Variants in SETD2 observed in about 807,000 individuals in gnomAD.
The protein encoded by SETD2 is histone-lysine N-methyltransferase SETD2.
SETD2 carries 31 observed loss-of-function variants against 242.1 expected under a neutral mutation model. The ratio of observed to expected loss-of-function variants is 0.13; its 90% CI spans 0.10 to 0.17. The LOEUF is 0.17. Ranked by LOEUF, SETD2 falls within the 10% of genes least tolerant of loss-of-function variation. The probability of loss-of-function intolerance (pLI) is 1.00; values close to 1 mark genes in which losing one functional copy is unlikely to be tolerated. For missense variants in SETD2, 2,481 were observed against 3,046.3 expected (o/e 0.81, Z 4.37); for synonymous variants, 1,006 against 1,066.5 (o/e 0.94, Z 1.11).
intron 13 of SETD2, among the ~76,000 whole-genome samples, chr3:47,065,663 C>A (rs1458539312): frequency 6.6e-6 from 1 of 152,022 alleles, no homozygotes; most frequent in Non-Finnish European, 1.5e-5. Context: ...AATAACCAGG[C>A]ATGGTGGCAC....
chr3:47,056,522 G>A (rs1454933388), intron 15 of SETD2, among the ~76,000 whole-genome samples: 2 of 152,136 alleles, frequency 1.3e-5, no homozygotes, highest in Non-Finnish European at 2.9e-5. Flanking sequence ...TGAGTAGGTT[G>A]GAAAGTGAAT....
chr3:47,045,621 C>G (rs1231847699), intron 16 of SETD2, among the ~76,000 whole-genome samples: 1 of 149,456 alleles, frequency 6.7e-6, no homozygotes, highest in Non-Finnish European at 1.5e-5. Context: ...TCACTCGAAC[C>G]CAGGAAGTGG....
rs147652053 is a variant in SETD2 at position 47,024,521 on chromosome 3, G to A, written c.7351-4681C>T. On this transcript the variant is annotated intron_variant, in intron 18 of 20. Transcript: ENST00000409792. ...AAACAAATTAGCTGGGCCTGGTGGT[G>A]CATGCCTGTAATCCCAGCTAATTCG... Among the ~76,000 whole-genome samples the A allele has an allele frequency of 4.7e-3, 706 of 150,952 alleles. 8 individuals carry two copies. The highest frequency in any genetic ancestry group is 0.017 in the African/African-American group (684 of 40,992).
chr3:47,045,347 G>A (rs1310675269), intron 16 of SETD2, among the ~76,000 whole-genome samples: 12 of 151,904 alleles, frequency 7.9e-5, no homozygotes, highest in Admixed American at 5.9e-4. Context: ...GCGAAACCCC[G>A]TCTCTACTAA....
intron 12 of SETD2, among the ~76,000 whole-genome samples, chr3:47,072,209 G>C (rs1168029436): frequency 6.6e-6 from 1 of 152,148 alleles, no homozygotes; most frequent in Non-Finnish European, 1.5e-5. Flanking sequence ...TGGGGAGGCT[G>C]AGGCAGGAGA....
At position 47,124,266 on chromosome 3, in the gene SETD2, A is replaced by G. The variant is rs2043236268; in HGVS notation, c.370T>C (p.Leu124=). The G allele has an allele frequency of 6.4e-7, 1 of 1,551,740 alleles. No homozygotes were observed. The highest frequency in any genetic ancestry group is 1.4e-5 in the African/African-American group (1 of 73,178). Residue 124 remains leucine (L), a synonymous_variant, in exon 3 of 21, where the codon TTA becomes CTA. Transcript: ENST00000409792. The part of the protein sequence containing the change: ...PKMKMEIGDT[L]STAEESSPPK... ...GGGGAAGATTCTTCTGCAGTAGATA[A>G]GGTATCACCAATTTCCATTTTCATT... is the stretch of plus-strand genomic sequence containing the variant.
At chr3:47,095,181 G>A (rs1276764913) in intron 9 of SETD2, among the ~76,000 whole-genome samples, 1 of 152,168 alleles carries the variant, frequency 6.6e-6, no homozygotes, top group African/African-American at 2.4e-5. Context: ...TGTAGCCTAG[G>A]CTGGAGTGCA....
rs1305779424 is a variant in SETD2, at chr3:47,056,876, G to A, written c.6908C>T (p.Pro2303Leu). 3 of 1,614,016 alleles carry A rather than the reference G, an allele frequency of 1.9e-6. No individual in the cohort carries two copies. The highest frequency in any genetic ancestry group is 2.5e-6 in the Non-Finnish European group (3 of 1,179,950). The change falls in exon 15 of 21, where the codon CCA (proline) becomes CTA (leucine). Residue 2303 changes from proline (P) to leucine (L), a missense_variant. Around this residue, in one of 17 missense-constraint regions of SETD2, gnomAD observed 235 missense variants for 293.9 expected, o/e 0.80. Coordinates refer to ENST00000409792, the MANE Select transcript of SETD2 (RefSeq NM_014159.7). ...AGGTGATGTCACACCATAGACTGTTGGACATGTCTGTCCTTGATAATATAT... is the reference window on the plus strand; with the variant it reads ...AGGTGATGTCACACCATAGACTGTTAGACATGTCTGTCCTTGATAATATAT... ...ATIYYQGQTC[P>L]TVYGVTSPYS...
chr3:47,061,909 C>T (rs2040349495), intron 14 of SETD2, among the ~76,000 whole-genome samples: 1 of 152,166 alleles, frequency 6.6e-6, no homozygotes, highest in Non-Finnish European at 1.5e-5. Flanking sequence ...AAATCTTTGG[C>T]TCCCAAAACG....
Position 47,057,025 on chromosome 3 carries a change from G to T in SETD2, c.6759C>A (p.Ser2253Arg). ...GGGCCGGCACTGGCAAGACAGCAAC[G>T]CTGGAGTCTTGGTGTACTACACCAT... Reference protein sequence around the residue: ...QSDGVVHQDSSVAVLPVPAPG... With the variant: ...QSDGVVHQDSRVAVLPVPAPG... The change falls in exon 15 of 21, where the codon AGC (serine) becomes AGA (arginine). Residue 2253 changes from serine to arginine, a missense_variant. Around this residue, in one of 17 missense-constraint regions of SETD2, gnomAD observed 235 missense variants for 293.9 expected, o/e 0.80. Transcript: ENST00000409792. The T allele has an allele frequency of 6.2e-7, 1 of 1,614,248 alleles. No individual in the cohort carries two copies. The highest frequency in any genetic ancestry group is 8.5e-7 in the Non-Finnish European group (1 of 1,180,054).
At chr3:47,104,641 G>A (rs908990620) in intron 6 of SETD2, among the ~76,000 whole-genome samples, 1 of 152,146 alleles carries the variant, frequency 6.6e-6, no homozygotes, top group Non-Finnish European at 1.5e-5. Flanking sequence ...TCATCAACAG[G>A]TTCTTTGAAA....
At chr3:47,129,129 GA>G (rs2043419224) in intron 1 of SETD2, among the ~76,000 whole-genome samples, 1 of 152,108 alleles carries the variant, frequency 6.6e-6, no homozygotes, top group Non-Finnish European at 1.5e-5. Context: ...GTCCATTTTA[GA>G]AATCAAAGAA....
At chr3:47,069,294 A>C (rs893493005) in intron 12 of SETD2, among the ~76,000 whole-genome samples, 13 of 151,958 alleles carry the variant, frequency 8.6e-5, no homozygotes, top group Non-Finnish European at 1.3e-4. Flanking sequence ...TATTTTGAGA[A>C]GGAGTACCAT....
chr3:47,141,223 G>A (rs992702341), intron 1 of SETD2, among the ~76,000 whole-genome samples: 1 of 151,894 alleles, frequency 6.6e-6, no homozygotes, highest in African/African-American at 2.4e-5. Flanking sequence ...GCCCAGGCTG[G>A]TCTCAAACTC....
upstream of SETD2, among the ~76,000 whole-genome samples, chr3:47,164,242 T>C (rs1367688807): frequency 2.0e-5 from 3 of 152,142 alleles, no homozygotes; most frequent in Non-Finnish European, 4.4e-5. This position sits in a 1 kb window ranked among gnomAD's most constrained non-coding sequence, Gnocchi z 5.4. Flanking sequence ...AGCTGTTGGC[T>C]TGACCCCAGG....
intron 1 of SETD2, among the ~76,000 whole-genome samples, chr3:47,129,093 T>C (rs901502973): frequency 4.6e-5 from 7 of 151,780 alleles, no homozygotes; most frequent in Non-Finnish European, 1.0e-4. Context: ...ATTTGTGGAG[T>C]TGGGAGGGAA....
intron 18 of SETD2, among the ~76,000 whole-genome samples, chr3:47,026,834 A>G (rs2038502539): frequency 6.6e-6 from 1 of 152,148 alleles, no homozygotes; most frequent in African/African-American, 2.4e-5. Flanking sequence ...GAGGGATGGC[A>G]TTATGAGAAA....
Position 47,122,797 on chromosome 3 carries a change from C to T in SETD2, c.1839G>A (p.Gly613=), listed in dbSNP as rs2106687671. The change falls in exon 3 of 21, where the codon GGG becomes GGA. Residue 613 remains glycine, a synonymous_variant. Coordinates refer to ENST00000409792, the MANE Select transcript of SETD2 (RefSeq NM_014159.7). The stretch of plus-strand genomic sequence containing the variant: ...TTAATCGATTTGATGGAGCTGGAGA[C>T]CCAGCCTTTTCTCTTTCAGGATTTT... The part of the protein sequence containing the change: ...INKNPEREKA[G]SPAPSNRLND... 1 of 1,613,138 alleles carries T rather than the reference C, an allele frequency of 6.2e-7. No homozygotes were observed. Among genetic ancestry groups the T allele is most frequent in the Non-Finnish European group, 8.5e-7 (1 of 1,179,764 alleles).
At chr3:47,112,422 T>C (rs917392884) in intron 5 of SETD2, among the ~76,000 whole-genome samples, 1 of 152,062 alleles carries the variant, frequency 6.6e-6, no homozygotes, top group Non-Finnish European at 1.5e-5. Context: ...ACTGGGATTA[T>C]TGGTGCCTGC....
Sources: allele counts gnomAD v4.1 joint callset (sites outside exome capture counted in the v4.1 genomes callset), GRCh38; gene constraint gnomAD v4.1.1; regional missense constraint gnomAD v4.1.1; non-coding constraint Gnocchi (gnomAD v3.1); transcripts MANE v1.5; gene names NCBI Gene and HGNC (gene_info 2026-07-23, HGNC 2026-07-21).